The following PLA2R1 variants were observed in gnomAD, a reference collection of about 807,000 sequenced individuals.
PLA2R1 encodes phospholipase A2 receptor 1, also known as secretory phospholipase A2 receptor.
In PLA2R1, 158 loss-of-function variants were observed where a neutral mutation model predicts 195.9. That is an observed-to-expected ratio of 0.81 (90% CI 0.71 to 0.92). PLA2R1 has a LOEUF of 0.92. Ranked by LOEUF, PLA2R1 falls within the 40% of genes least tolerant of loss-of-function variation. The pLI is 0.00. For missense variants in PLA2R1, 1,626 were observed against 1,764.6 expected, an observed-to-expected ratio of 0.92 and a Z score of 1.41; for synonymous variants, 586 against 598.2, an observed-to-expected ratio of 0.98 and a Z score of 0.30.
chr2:159,975,230 T>A (rs1689460503), intron 17 of PLA2R1, among the ~76,000 whole-genome samples: 1 of 152,222 alleles, frequency 6.6e-6, no homozygotes, highest in Non-Finnish European at 1.5e-5. Context: ...TACAACATGA[T>A]GTTTTAAAGT....
chr2:159,946,629 G>T, intron 27 of PLA2R1, 172 bp downstream of exon 27: 1 of 1,342,542 alleles, frequency 7.4e-7, no homozygotes, highest in Non-Finnish European at 9.6e-7. Context: ...AAAGACAAAA[G>T]GGTAAAGAAA....
the PLA2R1 span, among the ~76,000 whole-genome samples, chr2:159,924,254 T>G: frequency 1.3e-5 from 2 of 152,226 alleles, no homozygotes; most frequent in Non-Finnish European, 2.9e-5. Flanking sequence ...GAGGCCCACC[T>G]GGGTAATGCA....
chr2:159,925,716 G>A, the PLA2R1 span, among the ~76,000 whole-genome samples: 2 of 152,066 alleles, frequency 1.3e-5, no homozygotes, highest in Non-Finnish European at 2.9e-5. Context: ...TGAAAATTTG[G>A]GGCAAATTCC....
At chr2:160,011,176 G>A (rs1014409075) in intron 10 of PLA2R1, among the ~76,000 whole-genome samples, 1 of 152,150 alleles carries the variant, frequency 6.6e-6, no homozygotes, top group Admixed American at 6.5e-5. Context: ...GATACTTTCT[G>A]TCATTTGTAT....
Position 160,042,548 on chromosome 2 carries a change from G to T in PLA2R1, c.494-350C>A, listed in dbSNP as rs115613468. Among the ~76,000 whole-genome samples, 704 of 152,258 alleles carry T rather than the reference G, an allele frequency of 4.6e-3. 6 individuals are homozygous for T. The highest frequency in any genetic ancestry group is 8.0e-3 in the Non-Finnish European group (546 of 68,034). The stretch of plus-strand genomic sequence containing the variant: ...CAGTCGCCAAACACATCAGCCATTA[G>T]CATCTAAAGCTCAATAGATTCATAG... On this transcript the variant is annotated intron_variant, in intron 2 of 29. Coordinates refer to ENST00000283243, the MANE Select transcript of PLA2R1 (RefSeq NM_007366.5).
rs1192213318 is a variant in PLA2R1 at position 159,940,093 on chromosome 2, AATG to A, written c.*1682_*1684del. 2 of 152,112 alleles carry A rather than the reference AATG, an allele frequency of 1.3e-5. No homozygotes were observed. Among genetic ancestry groups the A allele is most frequent in the Non-Finnish European group, 1.5e-5 (1 of 68,022 alleles). The allele number at this position is 152,112 out of a possible 1,614,324, so 9.4% of individuals were successfully genotyped here. A position where few individuals can be genotyped will look rare whatever the true frequency, so the allele number is the denominator to read the frequency against. On this transcript the variant is annotated 3_prime_UTR_variant, in exon 30 of 30. Coordinates refer to ENST00000283243, the MANE Select transcript of PLA2R1 (RefSeq NM_007366.5). Reference sequence around the variant, plus strand: ...GGTATGCTCTTCAAATTGTATTTCTAATGATGATGGTTTGCCTCTTAGAAATTC... The same window carrying A: ...GGTATGCTCTTCAAATTGTATTTCTAATGATGGTTTGCCTCTTAGAAATTC...
intron 14 of PLA2R1, among the ~76,000 whole-genome samples, chr2:159,979,322 A>G (rs544201646): frequency 6.6e-6 from 1 of 152,298 alleles, no homozygotes; most frequent in South Asian, 2.1e-4. Flanking sequence ...GAATGAATGA[A>G]AACCAAGACT....
chr2:160,048,394 G>A (rs1472449892), intron 1 of PLA2R1, among the ~76,000 whole-genome samples: 3 of 152,144 alleles, frequency 2.0e-5, no homozygotes, highest in Non-Finnish European at 4.4e-5. Context: ...TCAACATGCT[G>A]CCTCCAAATA....
intron 20 of PLA2R1, among the ~76,000 whole-genome samples, chr2:159,965,227 T>C (rs560052052): frequency 2.8e-4 from 42 of 152,352 alleles, no homozygotes; most frequent in African/African-American, 1.0e-3. Context: ...TTTGTACAAA[T>C]GTCTAGTGAC....
chr2:159,996,954 A>C (rs796279594), intron 11 of PLA2R1, among the ~76,000 whole-genome samples: 14 of 152,184 alleles, frequency 9.2e-5, no homozygotes, highest in African/African-American at 2.9e-4. Context: ...TTTTCCATTA[A>C]AGCCCTTAGC....
chr2:159,956,339 T>C (rs1206736083), intron 21 of PLA2R1, among the ~76,000 whole-genome samples, 171 bp downstream of exon 21: 1 of 152,210 alleles, frequency 6.6e-6, no homozygotes, highest in Non-Finnish European at 1.5e-5. Flanking sequence ...CACTAACTTT[T>C]ACAGATATCA....
At chr2:160,061,132 AC>A (rs1303724159) in intron 1 of PLA2R1, among the ~76,000 whole-genome samples, 1 of 152,176 alleles carries the variant, frequency 6.6e-6, no homozygotes, top group Non-Finnish European at 1.5e-5. Flanking sequence ...ATCTTGTGTT[AC>A]CCCTTCTCTC....
chr2:160,033,658 T>C (rs1693990296), intron 3 of PLA2R1, among the ~76,000 whole-genome samples: 2 of 152,210 alleles, frequency 1.3e-5, no homozygotes, highest in African/African-American at 4.8e-5. Flanking sequence ...AGAAAGTTCT[T>C]TCAGCCAAGA....
At chr2:159,981,976 TG>T (rs1415484016) in intron 13 of PLA2R1, among the ~76,000 whole-genome samples, 1 of 152,192 alleles carries the variant, frequency 6.6e-6, no homozygotes, top group Non-Finnish European at 1.5e-5. Context: ...TCATATTATA[TG>T]ACTTTTGTGA....
At chr2:159,951,176 C>G (rs765872190) in intron 24 of PLA2R1, among the ~76,000 whole-genome samples, 164 bp downstream of exon 24, 22 of 152,132 alleles carry the variant, frequency 1.4e-4, no homozygotes, top group Admixed American at 2.6e-4. Flanking sequence ...ATAGGCTGTT[C>G]ATAAGGTTGG....
chr2:159,955,822 A>T lies in PLA2R1; in HGVS notation c.3029T>A (p.Ile1010Asn), dbSNP rs767683408. The T allele has an allele frequency of 2.5e-6, 4 of 1,595,332 alleles. No individual in the cohort carries two copies. In the East Asian group the frequency reaches 9.0e-5, roughly 36 times the overall value. Residue 1010 changes from isoleucine (I) to asparagine (N), a missense_variant, in exon 22 of 30, where the codon ATT becomes AAT. Physicochemically the swap from Ile to Asn is moderately radical, Grantham distance 149. Transcript: ENST00000283243. ...AIESEVEQAF[I>N]TMNLFGQTTS... is the part of the protein sequence containing the mutation. Reference sequence around the variant, plus strand: ...GGTCTGGCCAAAAAGATTCATAGTAATGAAAGCTGAAAAACAGGAATACAT... The same window carrying T: ...GGTCTGGCCAAAAAGATTCATAGTATTGAAAGCTGAAAAACAGGAATACAT...
In PLA2R1 at chr2:160,062,419, T is replaced by C. The variant is rs772389901; in HGVS notation, c.-16A>G. 2.6e-6 allele frequency: 4 copies of C among 1,531,728 alleles called. No homozygotes were observed. Among genetic ancestry groups the C allele is most frequent in the South Asian group, 1.2e-5 (1 of 83,058 alleles). 94.9% of individuals were successfully genotyped at this position (1,531,728 alleles called of 1,614,324 possible). ...ACAGCAGCATCGCTAACCACTGGGC[T>C]CTCCGGGAGCCCCTTGTCCCGGGAG... On this transcript the variant is annotated 5_prime_UTR_variant, in exon 1 of 30. Transcript: ENST00000283243.
intron 10 of PLA2R1, among the ~76,000 whole-genome samples, chr2:160,007,785 G>C (rs1308501976): frequency 6.6e-6 from 1 of 152,196 alleles, no homozygotes; most frequent in Non-Finnish European, 1.5e-5. Context: ...TGCCTTGGAA[G>C]ACTTAATATT....
intron 20 of PLA2R1, among the ~76,000 whole-genome samples, chr2:159,961,197 G>T (rs1688416076): frequency 6.6e-6 from 1 of 152,220 alleles, no homozygotes; most frequent in African/African-American, 2.4e-5. Context: ...ATGCGCAGGA[G>T]AAGGCACTGT....
Sources: gnomAD v4.1 joint callset for allele counts (sites outside exome capture counted in the v4.1 genomes callset) on GRCh38, gnomAD v4.1.1 for gene constraint, MANE v1.5 for transcripts, NCBI Gene and HGNC (gene_info 2026-07-23, HGNC 2026-07-21) for gene names.